SLC6A11: variants seen among roughly 807,000 people sequenced by gnomAD.
The protein encoded by SLC6A11 is sodium- and chloride-dependent GABA transporter 3.
SLC6A11 carries 25 observed loss-of-function variants against 74.8 expected under a neutral mutation model. The ratio of observed to expected loss-of-function variants is 0.33; its 90% confidence interval spans 0.24 to 0.47. The LOEUF (loss-of-function observed/expected upper bound fraction) is 0.47, where lower values mean the gene tolerates loss of function less well. Ranked by LOEUF, SLC6A11 falls within the 20% of genes least tolerant of loss-of-function variation. SLC6A11 has a pLI of 1.00. For missense variants in SLC6A11, 574 were observed against 837.0 expected, an observed-to-expected ratio of 0.69 and a Z score of 3.88; for synonymous variants, 330 against 330.2, an observed-to-expected ratio of 1.00 and a Z score of 0.01.
chr3:10,863,270 G>C (rs754045738), intron 5 of SLC6A11, among the ~76,000 whole-genome samples: 2 of 152,208 alleles, frequency 1.3e-5, no homozygotes, highest in Non-Finnish European at 2.9e-5. Flanking sequence ...GGAAGCTACT[G>C]TCTCCTGAGG....
chr3:10,910,050 G>A lies in SLC6A11; in HGVS notation c.892-2040G>A, dbSNP rs187063163. Among the ~76,000 whole-genome samples, 903 of 152,158 alleles carry A rather than the reference G, an allele frequency of 5.9e-3. 3 individuals carry two copies. Among genetic ancestry groups the A allele is most frequent in the Non-Finnish European group, 9.0e-3 (610 of 67,998 alleles). ...CCAGTTTCTCCTACCCCATCTCAGT[G>A]CACTCTGGTCTACTGGCATTACCTG... On this transcript the variant is annotated intron_variant, in intron 6 of 13. Coordinates refer to ENST00000254488, the MANE Select transcript of SLC6A11 (RefSeq NM_014229.3).
intron 6 of SLC6A11, among the ~76,000 whole-genome samples, chr3:10,911,440 G>A (rs1007448733): frequency 6.6e-6 from 1 of 152,166 alleles, no homozygotes; most frequent in South Asian, 2.1e-4. Context: ...TAGGAAAGTA[G>A]TTATCTTGTG....
chr3:10,853,128 G>A (rs896718373), intron 5 of SLC6A11, among the ~76,000 whole-genome samples: 6 of 152,310 alleles, frequency 3.9e-5, no homozygotes, highest in Non-Finnish European at 5.9e-5. Context: ...ACGAGCCCAG[G>A]CTGGGATGAT....
In SLC6A11 at chr3:10,875,040, C is replaced by G. The variant is rs1694891447; in HGVS notation, c.836C>G (p.Ser279Ter). ...CGAGGGGTCACGTTGCCCGGGGCCT[C>G]AGAGGGCATCAAGTTCTACTTGTAC... is the stretch of plus-strand genomic sequence containing the variant. ...LIRGVTLPGA[S>*]EGIKFYLYPD... Residue 279 changes from serine (S) to a stop codon, truncating the protein, a stop_gained, in exon 6 of 14, where the codon TCA becomes TGA. Transcript: ENST00000254488. LOFTEE classifies it high-confidence loss of function. 6.2e-7 allele frequency: 1 copy of G among 1,613,600 alleles called. No homozygotes were observed. The highest frequency in any genetic ancestry group is 1.7e-5 in the Admixed American group (1 of 59,956).
chr3:10,916,511 C>T (rs759816545), intron 7 of SLC6A11, among the ~76,000 whole-genome samples: 3 of 152,324 alleles, frequency 2.0e-5, no homozygotes, highest in Non-Finnish European at 2.9e-5. Context: ...GTCAGCTCCA[C>T]GTGTGTACAT....
intron 6 of SLC6A11, among the ~76,000 whole-genome samples, chr3:10,878,613 C>G (rs1269796411): frequency 1.3e-5 from 2 of 151,330 alleles, no homozygotes; most frequent in Non-Finnish European, 2.9e-5. Flanking sequence ...TGGGGTTTTG[C>G]CATGTTGGCC....
At chr3:10,912,316 T>C (rs1213551882) in intron 7 of SLC6A11, 123 bp downstream of exon 7, 6 of 696,202 alleles carry the variant, frequency 8.6e-6, no homozygotes, top group Middle Eastern at 8.0e-4. Context: ...ATAGGCTGTT[T>C]GTTGGCCTCC....
At chr3:10,884,053 G>A (rs1000758556) in intron 6 of SLC6A11, among the ~76,000 whole-genome samples, 23 of 152,154 alleles carry the variant, frequency 1.5e-4, no homozygotes, top group African/African-American at 5.3e-4. Flanking sequence ...GGTGCCGGGC[G>A]GTGCTGAGGT....
At chr3:10,863,933 C>A (rs921305821) in intron 5 of SLC6A11, among the ~76,000 whole-genome samples, 1 of 152,120 alleles carries the variant, frequency 6.6e-6, no homozygotes, top group African/African-American at 2.4e-5. Flanking sequence ...GCTTTGGAAT[C>A]ATAGGTCAAA....
intron 8 of SLC6A11, among the ~76,000 whole-genome samples, chr3:10,920,184 T>C (rs1695517610): frequency 1.3e-5 from 2 of 152,186 alleles, no homozygotes; most frequent in South Asian, 4.1e-4. Flanking sequence ...GCTTCTGTTT[T>C]GGAGGGGAGT....
chr3:10,894,060 G>A (rs1265649693), intron 6 of SLC6A11, among the ~76,000 whole-genome samples: 1 of 152,148 alleles, frequency 6.6e-6, no homozygotes, highest in East Asian at 1.9e-4. Flanking sequence ...ATCCAGGAGG[G>A]CGTGTTGTGG....
intron 5 of SLC6A11, among the ~76,000 whole-genome samples, chr3:10,850,951 T>G (rs1280758664): frequency 2.0e-5 from 3 of 152,158 alleles, no homozygotes; most frequent in Non-Finnish European, 4.4e-5. Context: ...GTTTCATCCT[T>G]GTTCTGCAGG....
chr3:10,935,278 G>A (rs1049480851), intron 13 of SLC6A11, 79 bp downstream of exon 13: 21 of 1,330,704 alleles, frequency 1.6e-5, no homozygotes, highest in East Asian at 2.3e-5. Context: ...TGCATGGTGC[G>A]CGATGACGGC....
At chr3:10,902,510 T>C (rs1695252850) in intron 6 of SLC6A11, among the ~76,000 whole-genome samples, 1 of 152,214 alleles carries the variant, frequency 6.6e-6, no homozygotes, top group African/African-American at 2.4e-5. Context: ...AGAAACCAGA[T>C]TAAAGGGATG....
Position 10,920,119 on chromosome 3 carries a change from G to T in SLC6A11, c.1120+1666G>T. 1.3e-5 allele frequency among the ~76,000 whole-genome samples: 2 copies of T among 152,232 alleles called. 1 individual carries two copies. The highest frequency in any genetic ancestry group is 4.1e-4 in the South Asian group (2 of 4,824). On this transcript the variant is annotated intron_variant, in intron 8 of 13. Coordinates refer to ENST00000254488, the MANE Select transcript of SLC6A11 (RefSeq NM_014229.3). ...AAAGTGCGCACCCTGAAACTCCCTC[G>T]CAGTGTTGCATGAGACAGAGTATCC...
intron 5 of SLC6A11, among the ~76,000 whole-genome samples, chr3:10,873,268 C>T (rs945546702): frequency 2.0e-4 from 30 of 152,096 alleles, no homozygotes; most frequent in African/African-American, 5.6e-4. Context: ...TGGGTCCAAT[C>T]GCCTGCCTCC....
At chr3:10,857,306 A>G (rs921358802) in intron 5 of SLC6A11, among the ~76,000 whole-genome samples, 5 of 152,144 alleles carry the variant, frequency 3.3e-5, no homozygotes, top group African/African-American at 1.2e-4. Flanking sequence ...AAGGATGGCT[A>G]TAGGGGTTGG....
Position 10,940,710 on chromosome 3 carries a change from A to G in SLC6A11, c.*2308A>G, listed in dbSNP as rs757559451. 1 of 152,188 alleles carries G rather than the reference A, an allele frequency of 6.6e-6. No individual in the cohort carries two copies. The highest frequency in any genetic ancestry group is 6.5e-5 in the Admixed American group (1 of 15,284). 9.4% of individuals were successfully genotyped at this position (152,188 alleles called of 1,614,324 possible). A position where few individuals can be genotyped will look rare whatever the true frequency, so the allele number is the denominator to read the frequency against. Reference sequence around the variant, plus strand: ...ATTTTTAAAAATTAAAGAAATGAACAATCAGTGTGGCTATTCCTAGCAAGG... The same window carrying G: ...ATTTTTAAAAATTAAAGAAATGAACGATCAGTGTGGCTATTCCTAGCAAGG... On this transcript the variant is annotated 3_prime_UTR_variant, in exon 14 of 14. Coordinates refer to ENST00000254488, the MANE Select transcript of SLC6A11 (RefSeq NM_014229.3).
chr3:10,935,613 C>T (rs1168364385), intron 13 of SLC6A11, among the ~76,000 whole-genome samples: 1 of 152,288 alleles, frequency 6.6e-6, no homozygotes, highest in East Asian at 1.9e-4. Context: ...GTATCTCCTG[C>T]CATCCTCAGA....
Sources: gnomAD v4.1 joint callset for allele counts (sites outside exome capture counted in the v4.1 genomes callset) on GRCh38, gnomAD v4.1.1 for gene constraint, MANE v1.5 for transcripts, NCBI Gene and HGNC (gene_info 2026-07-23, HGNC 2026-07-21) for gene names.